NRXN3: variants seen among roughly 807,000 people sequenced by gnomAD.
NRXN3 encodes neurexin III.
In NRXN3, 32 loss-of-function variants were observed where a neutral mutation model predicts 137.6. The ratio of observed to expected loss-of-function variants is 0.23; its 90% CI spans 0.18 to 0.31. NRXN3 has a LOEUF of 0.31. Among genes scored for constraint, NRXN3 ranks in the 10% least tolerant of loss-of-function variants. The pLI is 1.00. For synonymous variants in NRXN3, 798 were observed against 784.5 expected (o/e 1.02, Z -0.29); for missense variants, 1,574 against 2,062.5 (o/e 0.76, Z 4.59).
At position 79,467,415 on chromosome 14, in the gene NRXN3, C is replaced by G. The variant is rs186419845; in HGVS notation, c.3444+13C>G. On this transcript the variant is annotated intron_variant, in intron 16 of 20. Transcript: ENST00000335750. Reference sequence around the variant, plus strand: ...CCAGCTTCACATAGTGAGTACAGGGCCTTGGCCTGGATTTTCTTATGTTAC... The same window carrying G: ...CCAGCTTCACATAGTGAGTACAGGGGCTTGGCCTGGATTTTCTTATGTTAC... The G allele has an allele frequency of 6.4e-7, 1 of 1,572,044 alleles. No individual in the cohort carries two copies. Among genetic ancestry groups the G allele is most frequent in the African/African-American group, 1.3e-5 (1 of 74,158 alleles).
chr14:78,511,526 A>G (rs2096108257), intron 4 of NRXN3, among the ~76,000 whole-genome samples: 1 of 152,162 alleles, frequency 6.6e-6, no homozygotes, highest in African/African-American at 2.4e-5. Flanking sequence ...AGGCTCTGCC[A>G]TTTCTAGTAA....
chr14:78,317,835 A>G (rs947783816), intron 4 of NRXN3, among the ~76,000 whole-genome samples: 1 of 152,232 alleles, frequency 6.6e-6, no homozygotes, highest in Non-Finnish European at 1.5e-5. Flanking sequence ...TAATCTATAA[A>G]TAAAGATAAA....
At chr14:78,451,575 A>G (rs773079210) in intron 4 of NRXN3, among the ~76,000 whole-genome samples, 6 of 152,206 alleles carry the variant, frequency 3.9e-5, no homozygotes, top group African/African-American at 7.2e-5. Context: ...ACTTCTTTCT[A>G]TACTCCCTTC....
intron 15 of NRXN3, among the ~76,000 whole-genome samples, chr14:79,454,189 T>A (rs1474209443): frequency 6.6e-6 from 1 of 152,026 alleles, no homozygotes; most frequent in Non-Finnish European, 1.5e-5. Flanking sequence ...GTTCAAGCGA[T>A]TCTGTTGCCT....
chr14:78,513,354 C>G (rs1451647879), intron 4 of NRXN3, among the ~76,000 whole-genome samples: 1 of 152,130 alleles, frequency 6.6e-6, no homozygotes, highest in East Asian at 1.9e-4. Context: ...TTGATCTTGC[C>G]TCCTAGTCTA....
chr14:78,883,356 A>C (rs940762002), intron 10 of NRXN3, among the ~76,000 whole-genome samples: 1 of 152,186 alleles, frequency 6.6e-6, no homozygotes, highest in African/African-American at 2.4e-5. Context: ...TAATTGAGAT[A>C]ATTAATAAGT....
intron 15 of NRXN3, among the ~76,000 whole-genome samples, chr14:79,208,622 C>T (rs1597294554): frequency 6.6e-6 from 1 of 152,088 alleles, no homozygotes. Flanking sequence ...ATTCTGTGGT[C>T]ACTGTTTCAG....
chr14:78,962,718 C>T (rs2099410453), intron 11 of NRXN3, among the ~76,000 whole-genome samples: 1 of 147,698 alleles, frequency 6.8e-6, no homozygotes, highest in Non-Finnish European at 1.5e-5. Context: ...CTTTTTCTTT[C>T]TTTCTTTTTT....
intron 10 of NRXN3, among the ~76,000 whole-genome samples, chr14:78,838,499 T>G (rs370255798): frequency 5.3e-4 from 80 of 152,308 alleles, no homozygotes; most frequent in African/African-American, 1.8e-3. Context: ...GTAAACACTG[T>G]TGCATACATT....
intron 15 of NRXN3, chr14:78,988,363 G>T: frequency 9.3e-6 from 5 of 539,954 alleles, no homozygotes; most frequent in Non-Finnish European, 6.6e-6. Flanking sequence ...CACTCCCTGT[G>T]TTTTTTCTTT....
At chr14:79,581,893 C>T (rs1173370346) in intron 16 of NRXN3, among the ~76,000 whole-genome samples, 1 of 152,160 alleles carries the variant, frequency 6.6e-6, no homozygotes. Context: ...ATGGTCTCAT[C>T]TGATCCCCAA....
chr14:79,413,262 G>A (rs926077409), intron 15 of NRXN3, among the ~76,000 whole-genome samples: 3 of 152,152 alleles, frequency 2.0e-5, no homozygotes, highest in African/African-American at 4.8e-5. Context: ...GTAAATCTGA[G>A]AAGTTATTTT....
At chr14:79,435,627 CACAT>C (rs2095835111) in intron 15 of NRXN3, among the ~76,000 whole-genome samples, 1 of 151,014 alleles carries the variant, frequency 6.6e-6, no homozygotes, top group Non-Finnish European at 1.5e-5. Context: ...CACACACACA[CACAT>C]ACATTCTTTG....
intron 10 of NRXN3, among the ~76,000 whole-genome samples, chr14:78,948,646 T>C (rs1436115961): frequency 1.4e-5 from 2 of 140,458 alleles, no homozygotes; most frequent in East Asian, 2.6e-4. Context: ...TTTTTTTTTT[T>C]TTTTTTGCTT....
chr14:79,114,793 G>A (rs920306892), intron 15 of NRXN3, among the ~76,000 whole-genome samples: 2 of 152,072 alleles, frequency 1.3e-5, no homozygotes, highest in African/African-American at 4.8e-5. Flanking sequence ...CTCCCAAAGT[G>A]CTGAGATTAC....
intron 15 of NRXN3, among the ~76,000 whole-genome samples, chr14:79,450,505 A>T (rs2096149680): frequency 6.6e-6 from 1 of 152,162 alleles, no homozygotes; most frequent in South Asian, 2.1e-4. Context: ...CATTCCACAT[A>T]GTTTACATAT....
intron 1 of NRXN3, among the ~76,000 whole-genome samples, chr14:78,174,607 C>T (rs1345169543): frequency 6.6e-6 from 1 of 152,140 alleles, no homozygotes; most frequent in Admixed American, 6.5e-5. Flanking sequence ...AAGCAGGAGG[C>T]TGCCTGCCTC....
intron 15 of NRXN3, among the ~76,000 whole-genome samples, chr14:79,076,366 G>A (rs1373626455): frequency 6.6e-6 from 1 of 152,132 alleles, no homozygotes; most frequent in Non-Finnish European, 1.5e-5. Context: ...GCTTAGCTGG[G>A]TGCCTCTGGC....
At chr14:79,748,767 C>G (rs1339270179) in intron 19 of NRXN3, among the ~76,000 whole-genome samples, 1 of 152,008 alleles carries the variant, frequency 6.6e-6, no homozygotes, top group African/African-American at 2.4e-5. Context: ...CTCTCCCCTT[C>G]TTTTGCCATA....
Sources: gnomAD v4.1 joint callset for allele counts (sites outside exome capture counted in the v4.1 genomes callset) on GRCh38, gnomAD v4.1.1 for gene constraint, MANE v1.5 for transcripts, NCBI Gene and HGNC (gene_info 2026-07-23, HGNC 2026-07-21) for gene names.